The following LRRIQ3 variants were observed in gnomAD, a reference collection of about 807,000 sequenced individuals.
LRRIQ3 encodes the protein leucine-rich repeat and IQ domain-containing protein 3.
Under a neutral mutation model 59.3 loss-of-function variants are expected in LRRIQ3, and 75 were observed. The observed-to-expected ratio is 1.26, with a 90% CI of 1.05 to 1.53. The LOEUF is 1.53. Among genes scored for constraint, LRRIQ3 ranks in the 40% most tolerant of loss-of-function variants. The probability of loss-of-function intolerance (pLI) is 0.00; values close to 1 mark genes in which losing one functional copy is unlikely to be tolerated. For synonymous variants in LRRIQ3, 250 were observed against 231.3 expected (o/e 1.08, Z -0.73); for missense variants, 831 against 710.0 (o/e 1.17, Z -1.94).
intron 4 of LRRIQ3, among the ~76,000 whole-genome samples, chr1:74,130,328 A>T (rs1646994612): frequency 6.6e-6 from 1 of 152,066 alleles, no homozygotes. Flanking sequence ...ATCTCAATGC[A>T]CATTCCATGA....
In LRRIQ3 at chr1:74,169,045, TG is replaced by T. The variant is rs569880306; in HGVS notation, c.574-13180del. Among the ~76,000 whole-genome samples the T allele has an allele frequency of 7.2e-5, 11 of 152,262 alleles. No individual in the cohort carries two copies. In the South Asian group the frequency reaches 1.4e-3, roughly 20 times the overall value. ...TAGGAACTTCCTCATCTTGCATAACTGGGTATTTGTAAACCTTGAACAACAC... is the reference window on the plus strand; with the variant it reads ...TAGGAACTTCCTCATCTTGCATAACTGGTATTTGTAAACCTTGAACAACAC... On this transcript the variant is annotated intron_variant, in intron 3 of 7. Transcript: ENST00000354431.
intron 3 of LRRIQ3, among the ~76,000 whole-genome samples, chr1:74,178,780 A>G (rs761459536): frequency 6.6e-6 from 1 of 152,186 alleles, no homozygotes; most frequent in South Asian, 2.1e-4. Flanking sequence ...ATAGAAGTCT[A>G]TCAAGTAAGA....
chr1:74,166,898 G>T (rs1165885385), intron 3 of LRRIQ3, among the ~76,000 whole-genome samples: 1 of 151,578 alleles, frequency 6.6e-6, no homozygotes, highest in Admixed American at 6.6e-5. Flanking sequence ...AAACCACAAG[G>T]TGATATCACC....
intron 1 of LRRIQ3, among the ~76,000 whole-genome samples, chr1:74,185,626 T>A (rs1275779581): frequency 3.9e-5 from 6 of 152,180 alleles, no homozygotes. Context: ...TTTCATTTCA[T>A]TTTTAGCTCA....
intron 7 of LRRIQ3, among the ~76,000 whole-genome samples, chr1:74,031,326 A>G (rs543407269): frequency 2.3e-4 from 35 of 152,258 alleles, no homozygotes; most frequent in African/African-American, 7.5e-4. Context: ...TGTTTATTGC[A>G]GCACTATTCA....
intron 4 of LRRIQ3, among the ~76,000 whole-genome samples, chr1:74,149,051 A>G (rs1647756421): frequency 6.6e-6 from 1 of 152,026 alleles, no homozygotes; most frequent in Admixed American, 6.5e-5. Context: ...ATATGGTTAT[A>G]AGGTATTATT....
chr1:74,177,666 T>C (rs1158554513), intron 3 of LRRIQ3, among the ~76,000 whole-genome samples: 2 of 151,926 alleles, frequency 1.3e-5, no homozygotes, highest in Non-Finnish European at 2.9e-5. Context: ...AGGAATTATA[T>C]GTTTTACATT....
At chr1:74,135,222 G>A (rs937954709) in intron 4 of LRRIQ3, among the ~76,000 whole-genome samples, 2 of 151,872 alleles carry the variant, frequency 1.3e-5, no homozygotes, top group African/African-American at 4.8e-5. Flanking sequence ...AAGTATGTAT[G>A]TACCCAACAA....
chr1:74,135,404 A>T (rs1008563828), intron 4 of LRRIQ3, among the ~76,000 whole-genome samples: 1 of 151,954 alleles, frequency 6.6e-6, no homozygotes, highest in African/African-American at 2.4e-5. Flanking sequence ...AACTAACTTT[A>T]CTTAACTGAT....
Position 74,041,416 on chromosome 1 carries a change from T to C in LRRIQ3, c.1515A>G (p.Leu505=). The C allele has an allele frequency of 1.9e-6, 3 of 1,613,880 alleles. No homozygotes were observed. The highest frequency in any genetic ancestry group is 1.7e-5 in the Admixed American group (1 of 60,004). The part of the protein sequence containing the change: ...EKARERKALF[L]KEKSQKASER... ...CTGAAGCCTTTTGGGATTTTTCTTT[T>C]AGAAACAGAGCTTTTCTCTCTCTAG... Residue 505 remains leucine (L), a synonymous_variant, in exon 7 of 8, where the codon CTA becomes CTG. Coordinates refer to ENST00000354431, the MANE Select transcript of LRRIQ3 (RefSeq NM_001105659.2).
At chr1:74,105,200 T>C (rs137912063) in intron 5 of LRRIQ3, among the ~76,000 whole-genome samples, 1 of 152,012 alleles carries the variant, frequency 6.6e-6, no homozygotes, top group East Asian at 1.9e-4. Flanking sequence ...ATTAATATCT[T>C]GCTGACTATA....
intron 3 of LRRIQ3, among the ~76,000 whole-genome samples, chr1:74,177,087 C>A (rs967929229): frequency 3.9e-5 from 6 of 152,142 alleles, no homozygotes; most frequent in African/African-American, 1.4e-4. Context: ...AGAGAGCAGG[C>A]TTCTGTTACT....
At chr1:74,043,618 A>C (rs1654113916) in intron 6 of LRRIQ3, among the ~76,000 whole-genome samples, 1 of 152,164 alleles carries the variant, frequency 6.6e-6, no homozygotes, top group Admixed American at 6.6e-5. Flanking sequence ...GTCTCTCATT[A>C]GTTGGTTGAA....
intron 3 of LRRIQ3, among the ~76,000 whole-genome samples, chr1:74,175,533 C>T (rs1649587594): frequency 6.6e-6 from 1 of 152,144 alleles, no homozygotes; most frequent in Non-Finnish European, 1.5e-5. Flanking sequence ...CACTGTGATG[C>T]TCTGCTAGCT....
At chr1:74,111,944 T>C (rs1646701384) in intron 4 of LRRIQ3, among the ~76,000 whole-genome samples, 1 of 152,090 alleles carries the variant, frequency 6.6e-6, no homozygotes, top group African/African-American at 2.4e-5. Context: ...GAAAGAATAG[T>C]TGAGAGGTCT....
intron 1 of LRRIQ3, among the ~76,000 whole-genome samples, chr1:74,186,935 T>C (rs1650422862): frequency 1.3e-5 from 2 of 151,744 alleles, no homozygotes; most frequent in African/African-American, 4.8e-5. Flanking sequence ...CTTTAATCAA[T>C]GACTATTATA....
At chr1:74,186,177 T>C (rs1251915327) in intron 1 of LRRIQ3, among the ~76,000 whole-genome samples, 4 of 151,870 alleles carry the variant, frequency 2.6e-5, no homozygotes, top group Non-Finnish European at 5.9e-5. Context: ...TTTATGAAGA[T>C]ATTATCTTCT....
chr1:74,157,457 C>T (rs964274458), intron 3 of LRRIQ3, among the ~76,000 whole-genome samples: 3 of 152,052 alleles, frequency 2.0e-5, no homozygotes, highest in Non-Finnish European at 4.4e-5. Flanking sequence ...CTTTACCTAT[C>T]CTTAAATCCT....
intron 5 of LRRIQ3, among the ~76,000 whole-genome samples, chr1:74,096,942 G>A (rs973772111): frequency 3.9e-5 from 6 of 152,140 alleles, no homozygotes; most frequent in Admixed American, 3.3e-4. Context: ...GCTGTGTGGA[G>A]TGTCAGTCTC....
Sources: allele counts gnomAD v4.1 joint callset (sites outside exome capture counted in the v4.1 genomes callset), GRCh38; gene constraint gnomAD v4.1.1; transcripts MANE v1.5; gene names NCBI Gene and HGNC (gene_info 2026-07-23, HGNC 2026-07-21).